The following CTNNA3 variants were observed in gnomAD, a reference collection of about 807,000 sequenced individuals.
CTNNA3 encodes the protein catenin alpha-3.
In CTNNA3, 76 loss-of-function variants were observed where a neutral mutation model predicts 95.7. The ratio of observed to expected loss-of-function variants is 0.79; its 90% CI spans 0.66 to 0.96. The LOEUF (loss-of-function observed/expected upper bound fraction) is 0.96. Among genes scored for constraint, CTNNA3 ranks in the 40% least tolerant of loss-of-function variants. CTNNA3 has a pLI of 0.00. For synonymous variants in CTNNA3, 431 were observed against 374.4 expected (o/e 1.15, Z -1.74); for missense variants, 1,191 against 1,089.8 (o/e 1.09, Z -1.31).
intron 12 of CTNNA3, among the ~76,000 whole-genome samples, chr10:66,321,831 G>A (rs1190084483): frequency 1.3e-5 from 2 of 152,140 alleles, no homozygotes; most frequent in African/African-American, 2.4e-5. Flanking sequence ...CCAAGGAAAT[G>A]TGCGTATGCT....
chr10:67,517,181 T>C (rs1401079499), intron 5 of CTNNA3, among the ~76,000 whole-genome samples: 1 of 152,124 alleles, frequency 6.6e-6, no homozygotes, highest in Non-Finnish European at 1.5e-5. Flanking sequence ...CTCTATACTT[T>C]TTCCGAAATG....
At chr10:67,372,075 GT>G (rs534140911) in intron 5 of CTNNA3, among the ~76,000 whole-genome samples, 31 of 148,722 alleles carry the variant, frequency 2.1e-4, no homozygotes, top group Admixed American at 1.0e-3. Flanking sequence ...CTGATGGGTT[GT>G]TTTTTTTTTC....
At chr10:67,655,190 G>C (rs1221053993) in intron 1 of CTNNA3, among the ~76,000 whole-genome samples, 1 of 152,166 alleles carries the variant, frequency 6.6e-6, no homozygotes, top group Non-Finnish European at 1.5e-5. Context: ...GTTTTATCTG[G>C]AAATAAGTGT....
chr10:66,489,981 C>T (rs995678560), intron 11 of CTNNA3, among the ~76,000 whole-genome samples: 1 of 152,118 alleles, frequency 6.6e-6, no homozygotes, highest in Admixed American at 6.5e-5. Context: ...ACAATGTTGG[C>T]GAAGGCATAT....
chr10:66,029,125 GT>G (rs2079402066), intron 15 of CTNNA3, among the ~76,000 whole-genome samples: 1 of 152,154 alleles, frequency 6.6e-6, no homozygotes, highest in African/African-American at 2.4e-5. Context: ...GGAATTCCCA[GT>G]GTTGAAGGAC....
chr10:66,200,913 C>T (rs1410060385), intron 13 of CTNNA3, among the ~76,000 whole-genome samples: 1 of 152,128 alleles, frequency 6.6e-6, no homozygotes, highest in Non-Finnish European at 1.5e-5. Context: ...CTTCTCATGA[C>T]CCCAGCATTT....
chr10:67,484,196 A>G (rs1176505024), intron 5 of CTNNA3, among the ~76,000 whole-genome samples: 6 of 152,178 alleles, frequency 3.9e-5, no homozygotes, highest in Admixed American at 6.5e-5. Context: ...CCATTTGACA[A>G]AGTTTACAAA....
chr10:67,143,861 A>C (rs1860713439), intron 7 of CTNNA3, among the ~76,000 whole-genome samples: 1 of 152,026 alleles, frequency 6.6e-6, no homozygotes, highest in African/African-American at 2.4e-5. Flanking sequence ...TGATATTTTG[A>C]CCTCCTTCCA....
chr10:67,541,005 G>A (rs1840668596), intron 3 of CTNNA3, among the ~76,000 whole-genome samples: 1 of 151,514 alleles, frequency 6.6e-6, no homozygotes, highest in Admixed American at 6.6e-5. Flanking sequence ...TATTAAATAA[G>A]AGTACATAAG....
intron 7 of CTNNA3, among the ~76,000 whole-genome samples, chr10:66,828,390 C>T (rs1381799915): frequency 1.3e-5 from 2 of 152,166 alleles, no homozygotes; most frequent in Non-Finnish European, 2.9e-5. Flanking sequence ...CTTTATGCTC[C>T]AATTGCCCCT....
At chr10:66,623,555 A>G (rs1028266848) in intron 9 of CTNNA3, among the ~76,000 whole-genome samples, 3 of 152,064 alleles carry the variant, frequency 2.0e-5, no homozygotes, top group Non-Finnish European at 4.4e-5. Flanking sequence ...ATTTTATACA[A>G]CCCTCTAATG....
At chr10:66,051,214 T>C (rs1250288739) in intron 15 of CTNNA3, among the ~76,000 whole-genome samples, 2 of 152,194 alleles carry the variant, frequency 1.3e-5, no homozygotes, top group African/African-American at 4.8e-5. Context: ...CTCTAATTTC[T>C]GTAAGTCCTC....
chr10:66,163,510 G>A (rs1169060063), intron 13 of CTNNA3, among the ~76,000 whole-genome samples: 1 of 152,140 alleles, frequency 6.6e-6, no homozygotes, highest in East Asian at 1.9e-4. Flanking sequence ...TTTGAGAGAG[G>A]AGGGTCTCCC....
At chr10:66,947,139 A>T (rs1367732301) in intron 7 of CTNNA3, among the ~76,000 whole-genome samples, 6 of 151,928 alleles carry the variant, frequency 3.9e-5, no homozygotes, top group South Asian at 2.1e-4. Flanking sequence ...TGATTGTATT[A>T]GAAAAAACTT....
At chr10:66,399,454 G>A (rs2093003478) in intron 11 of CTNNA3, among the ~76,000 whole-genome samples, 1 of 151,942 alleles carries the variant, frequency 6.6e-6, no homozygotes, top group Non-Finnish European at 1.5e-5. Flanking sequence ...ACAGTCAAGA[G>A]TAAGTAAATG....
At chr10:67,711,180 G>A (rs1391302820) in intron 1 of CTNNA3, among the ~76,000 whole-genome samples, 1 of 152,210 alleles carries the variant, frequency 6.6e-6, no homozygotes, top group Non-Finnish European at 1.5e-5. Flanking sequence ...TATTGGGTAT[G>A]TCTTTATCAG....
chr10:67,112,623 CT>C (rs71006126), intron 7 of CTNNA3, among the ~76,000 whole-genome samples: 21 of 147,474 alleles, frequency 1.4e-4, no homozygotes, highest in Middle Eastern at 3.5e-3. Context: ...GTTTTTCATT[CT>C]TTTTTTTTTT....
chr10:66,046,133 G>A (rs1456473345), intron 15 of CTNNA3, among the ~76,000 whole-genome samples: 1 of 152,064 alleles, frequency 6.6e-6, no homozygotes, highest in African/African-American at 2.4e-5. Flanking sequence ...GGCAAGACAG[G>A]ACAACTGCCC....
intron 7 of CTNNA3, among the ~76,000 whole-genome samples, chr10:66,809,080 T>C (rs900432876): frequency 2.6e-5 from 4 of 152,214 alleles, no homozygotes; most frequent in Admixed American, 2.0e-4. Context: ...ATTTTCTTGT[T>C]GGAACTTGCA....
Sources: gnomAD v4.1 joint callset for allele counts (sites outside exome capture counted in the v4.1 genomes callset) on GRCh38, gnomAD v4.1.1 for gene constraint, MANE v1.5 for transcripts, NCBI Gene and HGNC (gene_info 2026-07-23, HGNC 2026-07-21) for gene names.